The following DENND5B variants were observed in gnomAD, a reference collection of about 807,000 sequenced individuals.
DENND5B encodes the protein DENN domain containing 5B, also known as DENN domain-containing protein 5B.
In DENND5B, 34 loss-of-function variants were observed where a neutral mutation model predicts 140.6. The observed-to-expected ratio is 0.24, with a 90% CI of 0.18 to 0.32. DENND5B has a LOEUF of 0.32. Ranked by LOEUF, DENND5B falls within the 10% of genes least tolerant of loss-of-function variation. The pLI, the probability that DENND5B is intolerant of heterozygous loss-of-function variation, is 1.00. For synonymous variants in DENND5B, 551 were observed against 562.1 expected (o/e 0.98, Z 0.28); for missense variants, 1,142 against 1,560.2 (o/e 0.73, Z 4.52).
Position 31,414,921 on chromosome 12 carries a change from C to CAA in DENND5B, c.2552+444_2552+445dup, listed in dbSNP as rs34987633. Among the ~76,000 whole-genome samples, 211 of 109,520 alleles carry CAA rather than the reference C, an allele frequency of 1.9e-3. 4 individuals carry two copies. The South Asian group carries it at 0.04, about 21-fold the overall frequency. 71.8% of individuals were successfully genotyped at this position (109,520 alleles called of 152,430 possible). A position where few individuals can be genotyped will look rare whatever the true frequency, so the allele number is the denominator to read the frequency against. ...TGGGCAACAGAATGAGACGCCATCTCAAAAAAAAAAAAAAAGCCCCTGTCT... is the reference window on the plus strand; with the variant it reads ...TGGGCAACAGAATGAGACGCCATCTCAAAAAAAAAAAAAAAAAGCCCCTGTCT... On this transcript the variant is annotated intron_variant, in intron 12 of 20. Transcript: ENST00000389082.
At chr12:31,472,187 C>T (rs987456531) in intron 3 of DENND5B, among the ~76,000 whole-genome samples, 6 of 152,132 alleles carry the variant, frequency 3.9e-5, no homozygotes, top group South Asian at 2.1e-4. Flanking sequence ...CTTACAGATG[C>T]TAATAAAAAC....
intron 14 of DENND5B, among the ~76,000 whole-genome samples, chr12:31,405,671 C>T (rs774435303): frequency 2.5e-4 from 37 of 149,310 alleles, no homozygotes; most frequent in South Asian, 6.4e-4. Context: ...CCTTAGCCTC[C>T]CAAGTAGTTG....
chr12:31,386,771 T>C lies in DENND5B; in HGVS notation c.*832A>G, dbSNP rs1192135688. ...ACAGAATCAAATTGCTGTTTGCAGT[T>C]CTTATCACTATGAATCTAACACTGA... On this transcript the variant is annotated 3_prime_UTR_variant, in exon 21 of 21. Coordinates refer to ENST00000389082, the MANE Select transcript of DENND5B (RefSeq NM_144973.4). The C allele has an allele frequency of 1.3e-5, 2 of 152,232 alleles. No individual in the cohort carries two copies. The highest frequency in any genetic ancestry group is 2.9e-5 in the Non-Finnish European group (2 of 68,048). The allele number at this position is 152,232 out of a possible 1,614,324, so 9.4% of individuals were successfully genotyped here. A position where few individuals can be genotyped will look rare whatever the true frequency, so the allele number is the denominator to read the frequency against.
At chr12:31,572,224 C>CA (rs63584260) in intron 1 of DENND5B, among the ~76,000 whole-genome samples, 3,758 of 138,966 alleles carry the variant, frequency 0.027, 155 homozygotes, top group African/African-American at 0.088. Flanking sequence ...AACTCTGTCT[C>CA]AAAAAAAAAA....
intron 1 of DENND5B, among the ~76,000 whole-genome samples, chr12:31,577,940 C>T (rs1950073264): frequency 6.6e-6 from 1 of 151,566 alleles, no homozygotes; most frequent in Non-Finnish European, 1.5e-5. Context: ...GCTTCGGCAA[C>T]ATAGTGAAAC....
chr12:31,396,053 C>CCTGT (rs1399702795), intron 17 of DENND5B, among the ~76,000 whole-genome samples: 2,133 of 102,472 alleles, frequency 0.021, 120 homozygotes, highest in South Asian at 0.034. Context: ...GTTGGCATTC[C>CCTGT]TTGTTTTTTT....
chr12:31,580,514 A>C (rs1358904311), intron 1 of DENND5B, among the ~76,000 whole-genome samples: 3 of 151,888 alleles, frequency 2.0e-5, no homozygotes, highest in Non-Finnish European at 2.9e-5. Flanking sequence ...TTAATTTTTG[A>C]GACAGGGTCT....
chr12:31,582,501 A>G (rs1950237004), intron 1 of DENND5B, among the ~76,000 whole-genome samples: 1 of 152,240 alleles, frequency 6.6e-6, no homozygotes, highest in South Asian at 2.1e-4. Flanking sequence ...AAGAGCAAAG[A>G]GGTTTTTTAA....
At chr12:31,583,626 C>T (rs1252048693) in intron 1 of DENND5B, among the ~76,000 whole-genome samples, 1 of 151,368 alleles carries the variant, frequency 6.6e-6, no homozygotes, top group East Asian at 2.0e-4. Flanking sequence ...TGCAGTGAGC[C>T]GAGATCACGC....
intron 1 of DENND5B, among the ~76,000 whole-genome samples, chr12:31,523,539 A>G (rs1294022074): frequency 6.6e-6 from 1 of 152,128 alleles, no homozygotes; most frequent in African/African-American, 2.4e-5. Context: ...CTTCTGAGTG[A>G]ATGTCTGGCC....
intron 4 of DENND5B, among the ~76,000 whole-genome samples, chr12:31,459,346 G>A (rs1337050033): frequency 6.6e-6 from 1 of 152,182 alleles, no homozygotes; most frequent in Admixed American, 6.5e-5. Context: ...CTGGAGTGCA[G>A]TGGCACGATC....
intron 13 of DENND5B, among the ~76,000 whole-genome samples, chr12:31,411,575 C>T (rs897748963): frequency 2.6e-5 from 4 of 151,328 alleles, no homozygotes; most frequent in African/African-American, 9.7e-5. Context: ...GATCTCCTGA[C>T]CTCATGATCT....
intron 1 of DENND5B, among the ~76,000 whole-genome samples, chr12:31,525,552 T>C (rs898991778): frequency 2.0e-5 from 3 of 152,206 alleles, no homozygotes; most frequent in African/African-American, 7.2e-5. Flanking sequence ...GTATGGGGTT[T>C]CTTTTGTGGC....
Position 31,452,241 on chromosome 12 carries a change from C to T in DENND5B, c.1328G>A (p.Ser443Asn). Residue 443 changes from serine (S) to asparagine (N), a missense_variant, in exon 5 of 21, where the codon AGC becomes AAC. Ser to Asn is a conservative substitution (Grantham distance 46, BLOSUM62 1). Coordinates refer to ENST00000389082, the MANE Select transcript of DENND5B (RefSeq NM_144973.4). ...KNGNVCTNNI[S>N]MYELLKGNET... ...ATTGCCCTTCAGTAACTCATACATG[C>T]TGATGTTATTAGTACAGACATTGCC... 1 of 1,613,934 alleles carries T rather than the reference C, an allele frequency of 6.2e-7. No homozygotes were observed. The highest frequency in any genetic ancestry group is 1.1e-5 in the South Asian group (1 of 91,062).
chr12:31,544,789 A>G (rs1948802137), intron 1 of DENND5B, among the ~76,000 whole-genome samples: 1 of 152,218 alleles, frequency 6.6e-6, no homozygotes, highest in Non-Finnish European at 1.5e-5. Context: ...GATAGGATGC[A>G]CTATGAACTA....
At chr12:31,422,942 CTT>C (rs369745344) in intron 11 of DENND5B, among the ~76,000 whole-genome samples, 14 of 139,818 alleles carry the variant, frequency 1.0e-4, no homozygotes, top group Admixed American at 1.4e-4. Flanking sequence ...GTTATAAAAA[CTT>C]TTTTTTTTTT....
At chr12:31,521,210 A>G (rs1185171024) in intron 1 of DENND5B, among the ~76,000 whole-genome samples, 1 of 152,150 alleles carries the variant, frequency 6.6e-6, no homozygotes, top group African/African-American at 2.4e-5. Context: ...AGAAAAGGTT[A>G]TATCAATGTT....
At chr12:31,575,895 G>A (rs905499611) in intron 1 of DENND5B, among the ~76,000 whole-genome samples, 1 of 152,112 alleles carries the variant, frequency 6.6e-6, no homozygotes, top group Non-Finnish European at 1.5e-5. Flanking sequence ...GAACACGGGA[G>A]GCGGAGGTTG....
chr12:31,416,805 T>A (rs1942763786), intron 11 of DENND5B, among the ~76,000 whole-genome samples: 1 of 151,054 alleles, frequency 6.6e-6, no homozygotes, highest in African/African-American at 2.4e-5. Flanking sequence ...AAGACCAGCC[T>A]GGGAAACATA....
Sources: allele counts gnomAD v4.1 joint callset (sites outside exome capture counted in the v4.1 genomes callset), GRCh38; gene constraint gnomAD v4.1.1; transcripts MANE v1.5; gene names NCBI Gene and HGNC (gene_info 2026-07-23, HGNC 2026-07-21).